The following ADAMTS2 variants were observed in gnomAD, a reference collection of about 807,000 sequenced individuals.
ADAMTS2 encodes A disintegrin and metalloproteinase with thrombospondin motifs 2.
ADAMTS2 carries 50 observed loss-of-function variants against 123.0 expected under a neutral mutation model. That is an observed-to-expected ratio of 0.41 (90% confidence interval 0.32 to 0.51). The LOEUF (loss-of-function observed/expected upper bound fraction) is 0.51, where lower values mean the gene tolerates loss of function less well. ADAMTS2 is among the 20% of genes least tolerant of loss of function. The pLI is 0.35. For synonymous variants in ADAMTS2, 678 were observed against 695.4 expected, an observed-to-expected ratio of 0.98 and a Z score of 0.39; for missense variants, 1,494 against 1,705.2, an observed-to-expected ratio of 0.88 and a Z score of 2.18.
At chr5:179,326,888 A>G (rs1264656065) in intron 2 of ADAMTS2, among the ~76,000 whole-genome samples, 1 of 151,668 alleles carries the variant, frequency 6.6e-6, no homozygotes, top group Non-Finnish European at 1.5e-5. Context: ...AGAGGGAGAG[A>G]GAGGGGAGGA....
At chr5:179,119,836 G>A (rs751261675) in intron 21 of ADAMTS2, among the ~76,000 whole-genome samples, 44 of 152,194 alleles carry the variant, frequency 2.9e-4, no homozygotes, top group Non-Finnish European at 5.7e-4. Context: ...CCAAAGATGA[G>A]GAGAAACCCA....
At chr5:179,138,952 A>G (rs1359183247) in intron 11 of ADAMTS2, among the ~76,000 whole-genome samples, 1 of 152,230 alleles carries the variant, frequency 6.6e-6, no homozygotes, top group Non-Finnish European at 1.5e-5. Flanking sequence ...TGCATCTGTG[A>G]TGCCCAATTT....
chr5:179,254,479 G>A (rs955332590), intron 3 of ADAMTS2, among the ~76,000 whole-genome samples: 1 of 152,162 alleles, frequency 6.6e-6, no homozygotes, highest in African/African-American at 2.4e-5. Context: ...GCACAACACT[G>A]CCAAAAACCA....
At chr5:179,269,821 A>G (rs1280691087) in intron 3 of ADAMTS2, among the ~76,000 whole-genome samples, 1 of 152,184 alleles carries the variant, frequency 6.6e-6, no homozygotes, top group Non-Finnish European at 1.5e-5. Flanking sequence ...GGCAGAGAAC[A>G]GGGATTGGAG....
rs1250736195 is a variant in ADAMTS2 at position 179,185,148 on chromosome 5, G to A, written c.892-3993C>T. 1.3e-5 allele frequency among the ~76,000 whole-genome samples: 2 copies of A among 152,164 alleles called. No homozygotes were observed. Among genetic ancestry groups the A allele is most frequent in the African/African-American group, 2.4e-5 (1 of 41,442 alleles). ...GAGGGGAGCACTGAGGCCAGACCAC[G>A]AAGTCAGGAGAAGGATTCCAAATCC... On this transcript the variant is annotated intron_variant, in intron 4 of 21. Transcript: ENST00000251582. This position sits in a 1 kb window ranked among gnomAD's most constrained non-coding sequence, Gnocchi z 5.9.
intron 2 of ADAMTS2, among the ~76,000 whole-genome samples, chr5:179,327,761 G>T (rs950125110): frequency 6.6e-6 from 1 of 152,172 alleles, no homozygotes; most frequent in African/African-American, 2.4e-5. Flanking sequence ...CCTTAGAAGC[G>T]GGGCTAGATG....
At chr5:179,259,626 C>T (rs1766161661) in intron 3 of ADAMTS2, among the ~76,000 whole-genome samples, 1 of 152,246 alleles carries the variant, frequency 6.6e-6, no homozygotes, top group African/African-American at 2.4e-5. Flanking sequence ...ACCAAACAGG[C>T]CTGTGGCAGT....
intron 4 of ADAMTS2, among the ~76,000 whole-genome samples, chr5:179,205,162 C>T (rs574327612): frequency 6.6e-6 from 1 of 152,316 alleles, no homozygotes; most frequent in South Asian, 2.1e-4. Context: ...ATCCTCCAAC[C>T]AGCTGTTGTG....
intron 3 of ADAMTS2, among the ~76,000 whole-genome samples, chr5:179,231,102 A>AC (rs1490703668): frequency 6.6e-6 from 1 of 151,762 alleles, no homozygotes; most frequent in East Asian, 1.9e-4. Flanking sequence ...TGGTACGCAG[A>AC]CCCCCTCCCC....
At chr5:179,240,266 A>G (rs549794547) in intron 3 of ADAMTS2, among the ~76,000 whole-genome samples, 2 of 152,324 alleles carry the variant, frequency 1.3e-5, no homozygotes, top group Admixed American at 1.3e-4. Flanking sequence ...AGCAGGGCTG[A>G]GCTTTGTTCA....
Position 179,242,021 on chromosome 5 carries a change from C to T in ADAMTS2, c.688+30890G>A, listed in dbSNP as rs1329851324. 2.0e-5 allele frequency among the ~76,000 whole-genome samples: 3 copies of T among 152,200 alleles called. No individual in the cohort carries two copies. In the East Asian group the frequency reaches 5.8e-4, roughly 29 times the overall value. On this transcript the variant is annotated intron_variant, in intron 3 of 21. Transcript: ENST00000251582. The surrounding 1 kb of genome is among the most constrained non-coding windows in gnomAD (Gnocchi z 4.2). ...TAGCCCACACCTGGTACTCAATGCC[C>T]TCAGCACAGTGATTGGTCCAGGGGG... is the stretch of plus-strand genomic sequence containing the variant.
chr5:179,116,266 C>G (rs897316129), intron 21 of ADAMTS2, among the ~76,000 whole-genome samples: 1 of 124,246 alleles, frequency 8.0e-6, no homozygotes, highest in Non-Finnish European at 1.7e-5. Flanking sequence ...CGGCACCCCC[C>G]CCCCACCCCC....
At chr5:179,215,616 C>T (rs458083) in intron 3 of ADAMTS2, among the ~76,000 whole-genome samples, 37,132 of 151,968 alleles carry the variant, frequency 0.24, 4,579 homozygotes, top group Admixed American at 0.27. Flanking sequence ...CACAAGCCTC[C>T]AAGGATAGGC....
Position 179,344,067 on chromosome 5 carries a change from A to G in ADAMTS2, c.234T>C (p.Ala78=). The G allele has an allele frequency of 6.2e-7, 1 of 1,611,640 alleles. No homozygotes were observed. Among genetic ancestry groups the G allele is most frequent in the Non-Finnish European group, 8.5e-7 (1 of 1,179,300 alleles). The change falls in exon 2 of 22, where the codon GCT becomes GCC. Residue 78 remains alanine, a synonymous_variant. Coordinates refer to ENST00000251582, the MANE Select transcript of ADAMTS2 (RefSeq NM_014244.5). Reference sequence around the variant, plus strand: ...GGGCTCGTACCCCTGCTCTGGACGTAGCTGCCGACACCACGTGGGACACCA... The same window carrying G: ...GGGCTCGTACCCCTGCTCTGGACGTGGCTGCCGACACCACGTGGGACACCA... ...GRLVSHVVSA[A]TSRAGVRARR...
At chr5:179,322,181 T>C (rs1262951234) in intron 2 of ADAMTS2, among the ~76,000 whole-genome samples, 3 of 152,184 alleles carry the variant, frequency 2.0e-5, no homozygotes, top group Non-Finnish European at 4.4e-5. Flanking sequence ...ATACGACAGT[T>C]TTTAACTTAA....
chr5:179,299,269 C>T (rs917812350), intron 2 of ADAMTS2, among the ~76,000 whole-genome samples: 20 of 147,214 alleles, frequency 1.4e-4, no homozygotes, highest in South Asian at 2.2e-4. Context: ...GTGGCTCACG[C>T]CTGTAATCCC....
chr5:179,289,436 T>C (rs1471606288), intron 2 of ADAMTS2, among the ~76,000 whole-genome samples: 1 of 152,178 alleles, frequency 6.6e-6, no homozygotes, highest in Non-Finnish European at 1.5e-5. Flanking sequence ...TAGAAAATCA[T>C]GGTAGTAAAC....
intron 2 of ADAMTS2, among the ~76,000 whole-genome samples, chr5:179,339,477 C>T (rs1353676750): frequency 1.3e-5 from 2 of 152,202 alleles, no homozygotes; most frequent in Non-Finnish European, 2.9e-5. Flanking sequence ...TAATTGGGGC[C>T]ATGCTGTCCC....
chr5:179,322,315 G>A (rs1179092543), intron 2 of ADAMTS2, among the ~76,000 whole-genome samples: 1 of 152,204 alleles, frequency 6.6e-6, no homozygotes, highest in Non-Finnish European at 1.5e-5. Context: ...CACGGCCCGT[G>A]CCTTCTTTGA....
Sources: allele counts gnomAD v4.1 joint callset (sites outside exome capture counted in the v4.1 genomes callset), GRCh38; gene constraint gnomAD v4.1.1; non-coding constraint Gnocchi (gnomAD v3.1); transcripts MANE v1.5; gene names NCBI Gene and HGNC (gene_info 2026-07-23, HGNC 2026-07-21).